The following HIVEP3 variants were observed in gnomAD, a reference collection of about 807,000 sequenced individuals.
HIVEP3 encodes the protein HIVEP zinc finger 3, also known as transcription factor HIVEP3.
In HIVEP3, 49 loss-of-function variants were observed where a neutral mutation model predicts 152.8. That is an observed-to-expected ratio of 0.32 (90% confidence interval 0.26 to 0.41). HIVEP3 has a LOEUF of 0.41. Among genes scored for constraint, HIVEP3 ranks in the 10% least tolerant of loss-of-function variants. The pLI is 1.00. For synonymous variants in HIVEP3, 1,269 were observed against 1,289.0 expected (o/e 0.98, Z 0.33); for missense variants, 2,790 against 3,103.3 (o/e 0.90, Z 2.40).
At chr1:41,781,844 C>T (rs921300596) in intron 1 of HIVEP3, among the ~76,000 whole-genome samples, 2 of 152,216 alleles carry the variant, frequency 1.3e-5, no homozygotes, top group Admixed American at 6.5e-5. Context: ...TGTCACTTGT[C>T]GCTCTTCAAG....
At chr1:41,566,367 C>T (rs1230117670) in intron 5 of HIVEP3, among the ~76,000 whole-genome samples, 1 of 152,178 alleles carries the variant, frequency 6.6e-6, no homozygotes, top group Non-Finnish European at 1.5e-5. Context: ...GTCTTCTTCT[C>T]ATCAATGCCC....
At chr1:41,522,065 A>C (rs1642773445) in intron 6 of HIVEP3, among the ~76,000 whole-genome samples, 1 of 152,234 alleles carries the variant, frequency 6.6e-6, no homozygotes, top group Non-Finnish European at 1.5e-5. Flanking sequence ...ACAGACAGGA[A>C]GGCAGGAGGG....
intron 3 of HIVEP3, among the ~76,000 whole-genome samples, chr1:41,596,788 C>A (rs1017878037): frequency 1.3e-5 from 2 of 152,114 alleles, no homozygotes; most frequent in Non-Finnish European, 2.9e-5. Flanking sequence ...TCCAGGAAAC[C>A]CCCAAGGGCC....
At chr1:42,007,359 GTTGGTTCAGT>G (rs2124527394) in intron 1 of HIVEP3, among the ~76,000 whole-genome samples, 1 of 152,308 alleles carries the variant, frequency 6.6e-6, no homozygotes, top group East Asian at 1.9e-4. Context: ...TTTTTGTTCG[GTTGGTTCAGT>G]TTGGTTTGGT....
intron 1 of HIVEP3, among the ~76,000 whole-genome samples, chr1:41,839,089 G>A (rs1643210234): frequency 6.6e-6 from 1 of 152,148 alleles, no homozygotes; most frequent in South Asian, 2.1e-4. Context: ...ACCTTGTCAA[G>A]TTTCTCTACC....
intron 1 of HIVEP3, among the ~76,000 whole-genome samples, chr1:41,893,398 C>T (rs896032422): frequency 1.3e-5 from 2 of 152,150 alleles, no homozygotes; most frequent in Admixed American, 1.3e-4. Flanking sequence ...GTTTAGCCCC[C>T]CTAGGGAACA....
chr1:41,623,990 C>G (rs748160354), intron 3 of HIVEP3, among the ~76,000 whole-genome samples: 1 of 152,004 alleles, frequency 6.6e-6, no homozygotes, highest in Non-Finnish European at 1.5e-5. Flanking sequence ...TTCAAAGGCG[C>G]GGGCCAGAGG....
At chr1:41,974,181 G>A (rs1645246553) in intron 1 of HIVEP3, among the ~76,000 whole-genome samples, 1 of 152,082 alleles carries the variant, frequency 6.6e-6, no homozygotes, top group Non-Finnish European at 1.5e-5. Flanking sequence ...AAGGGGCAAT[G>A]TCTATTTTTG....
At chr1:41,708,718 G>A (rs1226265357) in intron 1 of HIVEP3, among the ~76,000 whole-genome samples, 1 of 152,190 alleles carries the variant, frequency 6.6e-6, no homozygotes, top group Non-Finnish European at 1.5e-5. Context: ...GAGCCCTAAT[G>A]GTTTCTGAGA....
intron 1 of HIVEP3, among the ~76,000 whole-genome samples, chr1:41,899,437 G>A (rs978467721): frequency 3.3e-5 from 5 of 152,056 alleles, no homozygotes; most frequent in African/African-American, 7.2e-5. Flanking sequence ...ATGGAGTTTC[G>A]TTCTTGTTGC....
intron 1 of HIVEP3, among the ~76,000 whole-genome samples, chr1:41,806,600 C>A (rs937411263): frequency 1.3e-5 from 2 of 152,274 alleles, no homozygotes; most frequent in Non-Finnish European, 2.9e-5. Context: ...GATCTCCACC[C>A]GGCACATGGC....
At chr1:41,619,533 A>G (rs554614519) in intron 3 of HIVEP3, among the ~76,000 whole-genome samples, 11 of 152,204 alleles carry the variant, frequency 7.2e-5, no homozygotes, top group African/African-American at 2.7e-4. Context: ...GTGCTTTGTC[A>G]CCCAGAATGG....
intron 1 of HIVEP3, among the ~76,000 whole-genome samples, chr1:41,897,511 C>G (rs186397338): frequency 1.3e-3 from 204 of 152,266 alleles, no homozygotes; most frequent in African/African-American, 4.7e-3. Flanking sequence ...AACAGGCCCT[C>G]GTCAACACTG....
chr1:42,027,884 AT>A (rs1645591569), intron 1 of HIVEP3, among the ~76,000 whole-genome samples: 1 of 152,144 alleles, frequency 6.6e-6, no homozygotes, highest in Non-Finnish European at 1.5e-5. Flanking sequence ...GGCCCCCATG[AT>A]TCGATTACCT....
chr1:41,550,809 T>C (rs990585603), intron 5 of HIVEP3, among the ~76,000 whole-genome samples: 1 of 152,240 alleles, frequency 6.6e-6, no homozygotes, highest in Non-Finnish European at 1.5e-5. Context: ...TATACAACCA[T>C]GTCATCTGCA....
chr1:41,835,314 T>A (rs1240887882), intron 1 of HIVEP3, among the ~76,000 whole-genome samples: 1 of 152,176 alleles, frequency 6.6e-6, no homozygotes, highest in African/African-American at 2.4e-5. Context: ...AGGTTTCTGG[T>A]GAGGGCTCTC....
chr1:42,028,325 A>G (rs1645593767), intron 1 of HIVEP3, among the ~76,000 whole-genome samples: 1 of 152,220 alleles, frequency 6.6e-6, no homozygotes, highest in Non-Finnish European at 1.5e-5. Context: ...TGCTCAGTAA[A>G]TATCACAGAA....
intron 1 of HIVEP3, among the ~76,000 whole-genome samples, chr1:41,845,415 A>ACG (rs775873575): frequency 2.3e-3 from 211 of 92,232 alleles, no homozygotes; most frequent in African/African-American, 0.012. Context: ...ACACACACAC[A>ACG]CACGCACACA....
At chr1:41,772,993 T>C (rs1648475431) in intron 1 of HIVEP3, among the ~76,000 whole-genome samples, 1 of 152,220 alleles carries the variant, frequency 6.6e-6, no homozygotes, top group Admixed American at 6.5e-5. Flanking sequence ...GTGCACTGCA[T>C]ATGCCCCACA....
Sources: allele counts gnomAD v4.1 joint callset (sites outside exome capture counted in the v4.1 genomes callset), GRCh38; gene constraint gnomAD v4.1.1; transcripts MANE v1.5; gene names NCBI Gene and HGNC (gene_info 2026-07-23, HGNC 2026-07-21).